The following MYBPC2 variants were observed in gnomAD, a reference collection of about 807,000 sequenced individuals.
MYBPC2 encodes myosin-binding protein C, fast-type.
Under a neutral mutation model 137.0 loss-of-function variants are expected in MYBPC2, and 122 were observed. The observed-to-expected ratio is 0.89, with a 90% CI of 0.77 to 1.03. The LOEUF is 1.03. Among genes scored for constraint, MYBPC2 ranks in the 50% least tolerant of loss-of-function variants. The pLI is 0.00. For synonymous variants in MYBPC2, 626 were observed against 612.3 expected (o/e 1.02, Z -0.33); for missense variants, 1,500 against 1,534.4 (o/e 0.98, Z 0.37).
chr19:50,459,168 C>T lies in MYBPC2; in HGVS notation c.2653C>T (p.Arg885Cys), dbSNP rs751081398. ...TKGGAPLDTSRVHVRTSDFDT... is the reference protein window; with the variant it reads ...TKGGAPLDTSCVHVRTSDFDT... ...GGGCGGGGCCCCGCTGGACACCTCC[C>T]GCGTGCACGTGCGGACCAGCGACTT... The change falls in exon 23 of 28, where the codon CGC becomes TGC. Residue 885 changes from arginine to cysteine, a missense_variant. Transcript: ENST00000357701. 1 of 1,603,484 alleles carries T rather than the reference C, an allele frequency of 6.2e-7. No homozygotes were observed. Among genetic ancestry groups the T allele is most frequent in the South Asian group, 1.1e-5 (1 of 89,424 alleles).
chr19:50,464,337 T>C lies in MYBPC2; in HGVS notation c.3229-9T>C. On this transcript the variant is annotated splice_polypyrimidine_tract_variant and intron_variant, in intron 26 of 27. Transcript: ENST00000357701. ...CTAAGTTGGCCTCCTCTCCCTTGAC[T>C]CTCAACAGCCGAAGGTGGTCTGGAT... is the stretch of plus-strand genomic sequence containing the variant. 2 of 1,599,116 alleles carry C rather than the reference T, an allele frequency of 1.3e-6. No homozygotes were observed. The highest frequency in any genetic ancestry group is 1.7e-6 in the Non-Finnish European group (2 of 1,173,132).
At position 50,454,153 on chromosome 19, in the gene MYBPC2, T is replaced by G. The variant is rs769879583; in HGVS notation, c.1883T>G (p.Val628Gly). The change falls in exon 17 of 28, where the codon GTG becomes GGG. Residue 628 changes from valine to glycine, a missense_variant. Coordinates refer to ENST00000357701, the MANE Select transcript of MYBPC2 (RefSeq NM_004533.4). Reference sequence around the variant, plus strand: ...GTCACCAACCCCGTCGGCGAGGACGTGGCTTCCATCTTCCTGCAAGTTGTA... The same window carrying G: ...GTCACCAACCCCGTCGGCGAGGACGGGGCTTCCATCTTCCTGCAAGTTGTA... ...IKVTNPVGEDVASIFLQVVDV... is the reference protein window; with the variant it reads ...IKVTNPVGEDGASIFLQVVDV... 85 of 1,613,728 alleles carry G rather than the reference T, an allele frequency of 5.3e-5. 2 individuals carry two copies. In the Admixed American group the frequency reaches 1.4e-3, roughly 26 times the overall value.
intron 15 of MYBPC2, 133 bp downstream of exon 15, chr19:50,451,442 G>T: frequency 1.5e-6 from 1 of 688,906 alleles, no homozygotes; most frequent in South Asian, 1.7e-5. Flanking sequence ...AGTGGGGAGA[G>T]GAAGGAGGGG....
chr19:50,447,533 G>A (rs538183711), intron 12 of MYBPC2, among the ~76,000 whole-genome samples: 9 of 152,136 alleles, frequency 5.9e-5, no homozygotes, highest in East Asian at 3.9e-4. Context: ...GTTCAAGGCC[G>A]GCCTAGGCAA....
In MYBPC2 at chr19:50,448,298, C is replaced by T. The variant is rs373913738; in HGVS notation, c.1380C>T (p.Cys460=). ...VKASEQAVFK[C]EVSDEKVTGK... is the part of the protein sequence containing the mutation. ...CCTCAGAACAAGCTGTGTTCAAGTG[C>T]GAGGTGTCTGATGAGAAAGTGACGG... The change falls in exon 13 of 28, where the codon TGC becomes TGT. Residue 460 remains cysteine, a synonymous_variant. Transcript: ENST00000357701. The T allele has an allele frequency of 4.0e-5, 64 of 1,613,758 alleles. No homozygotes were observed. The highest frequency in any genetic ancestry group is 1.6e-4 in the Middle Eastern group (1 of 6,062).
intron 7 of MYBPC2, among the ~76,000 whole-genome samples, chr19:50,439,616 A>G (rs2039733547): frequency 7.0e-6 from 1 of 143,566 alleles, no homozygotes; most frequent in Non-Finnish European, 1.5e-5. Context: ...TCCTGGGCTG[A>G]GATCCATGCA....
At chr19:50,449,411 C>T (rs559894142) in intron 13 of MYBPC2, among the ~76,000 whole-genome samples, 4 of 152,288 alleles carry the variant, frequency 2.6e-5, no homozygotes, top group Admixed American at 1.3e-4. Context: ...AGCACACTCA[C>T]GTGGCAGAGG....
In MYBPC2 at chr19:50,437,500, G is replaced by A; in HGVS notation, c.491G>A (p.Ser164Asn). Residue 164 changes from serine to asparagine, a missense_variant, in exon 6 of 28, where the codon AGT becomes AAT. Transcript: ENST00000357701. Reference protein sequence around the residue: ...EAPRQDASGQSLESFKRTSEK... With the variant: ...EAPRQDASGQNLESFKRTSEK... Reference sequence around the variant, plus strand: ...CCCCGTCAGGATGCCTCTGGGCAGAGTCTAGAAAGCTTCAAGCGTACGTAA... The same window carrying A: ...CCCCGTCAGGATGCCTCTGGGCAGAATCTAGAAAGCTTCAAGCGTACGTAA... 1 of 1,611,082 alleles carries A rather than the reference G, an allele frequency of 6.2e-7. No homozygotes were observed. Among genetic ancestry groups the A allele is most frequent in the Non-Finnish European group, 8.5e-7 (1 of 1,178,758 alleles).
chr19:50,450,797 T>A, intron 13 of MYBPC2, 32 bp from the exon 14 acceptor site: 1 of 1,525,868 alleles, frequency 6.6e-7, no homozygotes, highest in Non-Finnish European at 8.9e-7. Flanking sequence ...TGCAATCTGG[T>A]TCGAGCCCTA....
chr19:50,436,559 A>G lies in MYBPC2; in HGVS notation c.346-58A>G, dbSNP rs1022486804. The G allele has an allele frequency of 2.1e-6, 3 of 1,422,592 alleles. No homozygotes were observed. In the Admixed American group the frequency reaches 5.1e-5, roughly 24 times the overall value. 88.1% of individuals were successfully genotyped at this position (1,422,592 alleles called of 1,614,324 possible). On this transcript the variant is annotated intron_variant, in intron 4 of 27. Transcript: ENST00000357701. ...TAGAGCTATGAGTGGACTCTGAGGA[A>G]TATGGGGTGGCTCTAGAGGGTGGTC...
rs919686251 is a variant in MYBPC2, at chr19:50,451,969, C to A, written c.1715C>A (p.Pro572His). The A allele has an allele frequency of 6.4e-7, 1 of 1,554,436 alleles. No individual in the cohort carries two copies. Among genetic ancestry groups the A allele is most frequent in the Non-Finnish European group, 8.7e-7 (1 of 1,148,438 alleles). Residue 572 changes from proline (P) to histidine (H), a missense_variant, in exon 16 of 28, where the codon CCC becomes CAC. By Grantham distance (77) the Pro-to-His change is moderately conservative. Coordinates refer to ENST00000357701, the MANE Select transcript of MYBPC2 (RefSeq NM_004533.4). ...CTTGACGTGTCCATCACAGGGGAGC[C>A]CCCTCCCGTCGCTACCTGGCTGAAG... ...LRLDVSITGE[P>H]PPVATWLKGD...
At position 50,466,277 on chromosome 19, in the gene MYBPC2, G is replaced by A; in HGVS notation, c.*72G>A. On this transcript the variant is annotated 3_prime_UTR_variant, in exon 28 of 28. Coordinates refer to ENST00000357701, the MANE Select transcript of MYBPC2 (RefSeq NM_004533.4). The surrounding 1 kb of genome is among the most constrained non-coding windows in gnomAD (Gnocchi z 4.9). ...CCAATCCCCAACCTCCCAGGACTGT[G>A]TTCTTTCTGGAGTTTTCGCTGAGAA... The A allele has an allele frequency of 6.2e-7, 1 of 1,601,710 alleles. No individual in the cohort carries two copies. The highest frequency in any genetic ancestry group is 1.1e-5 in the South Asian group (1 of 90,506).
Position 50,448,346 on chromosome 19 carries a change from C to G in MYBPC2, c.1428C>G (p.Val476=), listed in dbSNP as rs372713951. Residue 476 remains valine, a synonymous_variant, in exon 13 of 28, where the codon GTC becomes GTG. Transcript: ENST00000357701. ...CGGGCAAGTGGTATAAGAATGGGGTCGAGGTGCGGCCCAGCAAGAGGATCA... is the reference window on the plus strand; with the variant it reads ...CGGGCAAGTGGTATAAGAATGGGGTGGAGGTGCGGCCCAGCAAGAGGATCA... The part of the protein sequence containing the change: ...KVTGKWYKNG[V]EVRPSKRITI... The G allele has an allele frequency of 6.2e-7, 1 of 1,613,786 alleles. No individual in the cohort carries two copies. Among genetic ancestry groups the G allele is most frequent in the Non-Finnish European group, 8.5e-7 (1 of 1,179,774 alleles).
intron 7 of MYBPC2, 66 bp from the exon 8 acceptor site, chr19:50,440,814 G>C: frequency 6.7e-7 from 1 of 1,498,554 alleles, no homozygotes; most frequent in African/African-American, 1.4e-5. Context: ...AATGAGTGAA[G>C]AAGGCAGAGG....
chr19:50,442,154 A>T (rs10409570), intron 8 of MYBPC2, 27 bp from the exon 9 acceptor site: 1 of 1,571,306 alleles, frequency 6.4e-7, no homozygotes, highest in South Asian at 1.2e-5. Flanking sequence ...ACACGCCTCC[A>T]TCCCCTTTGC....
At position 50,459,209 on chromosome 19, in the gene MYBPC2, C is replaced by T. The variant is rs867693909; in HGVS notation, c.2694C>T (p.Phe898=). The change falls in exon 23 of 28, where the codon TTC becomes TTT. Residue 898 remains phenylalanine, a synonymous_variant. Transcript: ENST00000357701. ...CCAGCGACTTCGACACCGTGTTCTT[C>T]GTGCGCCAGGCGGCCCGCTCCGACT... ...VRTSDFDTVF[F]VRQAARSDSG... The T allele has an allele frequency of 1.2e-6, 2 of 1,610,706 alleles. No homozygotes were observed. The highest frequency in any genetic ancestry group is 2.7e-5 in the African/African-American group (2 of 74,784).
At chr19:50,443,113 G>C (rs193044494) in intron 9 of MYBPC2, among the ~76,000 whole-genome samples, 1 of 151,918 alleles carries the variant, frequency 6.6e-6, no homozygotes, top group Non-Finnish European at 1.5e-5. Context: ...ACAACATAGC[G>C]AGATCCCATC....
intron 13 of MYBPC2, among the ~76,000 whole-genome samples, chr19:50,448,753 C>G (rs1212237185): frequency 2.2e-4 from 33 of 148,494 alleles, no homozygotes; most frequent in African/African-American, 8.3e-4. Flanking sequence ...AGCCACCACG[C>G]CTGGACTTTT....
chr19:50,462,552 A>G (rs2122621403), intron 26 of MYBPC2, among the ~76,000 whole-genome samples: 1 of 151,668 alleles, frequency 6.6e-6, no homozygotes, highest in East Asian at 2.0e-4. Context: ...CAGACAATCA[A>G]TCACATCTTG....
Sources: gnomAD v4.1 joint callset for allele counts (sites outside exome capture counted in the v4.1 genomes callset) on GRCh38, gnomAD v4.1.1 for gene constraint, Gnocchi (gnomAD v3.1) non-coding constraint, MANE v1.5 for transcripts, NCBI Gene and HGNC (gene_info 2026-07-23, HGNC 2026-07-21) for gene names.